Variants in USP7 observed in about 807,000 individuals in gnomAD.
The protein encoded by USP7 is ubiquitin C-terminal hydrolase 7.
USP7 carries 9 observed loss-of-function variants against 162.9 expected under a neutral mutation model. The ratio of observed to expected loss-of-function variants is 0.06; its 90% CI spans 0.03 to 0.10. The LOEUF is 0.10. Among genes scored for constraint, USP7 ranks in the 10% least tolerant of loss-of-function variants. The pLI is 1.00. For synonymous variants in USP7, 562 were observed against 475.9 expected (o/e 1.18, Z -2.35); for missense variants, 715 against 1,373.7 (o/e 0.52, Z 7.58).
chr16:8,900,822 T>TA (rs372411168), intron 20 of USP7, 168 bp downstream of exon 20: 12,162 of 593,430 alleles, frequency 0.02, 49 homozygotes, highest in African/African-American at 0.047. Context: ...CTACAACAGG[T>TA]AAAAAAAAAA....
intron 2 of USP7, among the ~76,000 whole-genome samples, chr16:8,928,040 A>C (rs935248723): frequency 2.0e-5 from 3 of 152,236 alleles, no homozygotes; most frequent in African/African-American, 7.2e-5. Flanking sequence ...ATAGTGAATA[A>C]GGAACTAAAA....
intron 2 of USP7, among the ~76,000 whole-genome samples, chr16:8,926,867 T>C (rs992088167): frequency 2.4e-4 from 37 of 152,334 alleles, no homozygotes; most frequent in African/African-American, 8.4e-4. Context: ...GATTCCTTGA[T>C]AACTCTCACT....
chr16:8,904,767 C>T (rs1312689247), intron 14 of USP7, among the ~76,000 whole-genome samples: 2 of 150,802 alleles, frequency 1.3e-5, no homozygotes, highest in Non-Finnish European at 3.0e-5. Context: ...ATGGTGAAAC[C>T]CCATCTCTAC....
chr16:8,913,289 G>C (rs1209638884), intron 10 of USP7, among the ~76,000 whole-genome samples: 1 of 152,162 alleles, frequency 6.6e-6, no homozygotes, highest in Admixed American at 6.5e-5. Context: ...CCAGGAGGTG[G>C]AGGTTGCAGT....
chr16:8,929,260 C>G (rs914758690), intron 2 of USP7: 6 of 338,848 alleles, frequency 1.8e-5, no homozygotes, highest in Non-Finnish European at 2.9e-5. Flanking sequence ...AGTAAAACCT[C>G]CAAAAGCCCA....
Position 8,919,148 on chromosome 16 carries a change from T to C in USP7, c.612-9A>G. ...GCTTCTTTGAATCCCACCTGAAAGA[T>C]CAGTTCAAGGTTGAGGGGATCTTGC... On this transcript the variant is annotated splice_polypyrimidine_tract_variant and intron_variant, in intron 5 of 30. Transcript: ENST00000344836. The C allele has an allele frequency of 6.2e-7, 1 of 1,613,886 alleles. No individual in the cohort carries two copies.
intron 26 of USP7, among the ~76,000 whole-genome samples, 182 bp from the exon 27 acceptor site, chr16:8,895,923 G>A (rs1442940437): frequency 3.4e-5 from 5 of 148,610 alleles, no homozygotes; most frequent in East Asian, 4.0e-4. Context: ...TGCAACCTCC[G>A]CCTCCCGGGT....
intron 5 of USP7, 26 bp from the exon 6 acceptor site, chr16:8,919,165 G>C: frequency 1.2e-6 from 2 of 1,609,046 alleles, no homozygotes; most frequent in African/African-American, 1.3e-5. Context: ...AAGGTTGAGG[G>C]GATCTTGCAG....
chr16:8,948,105 T>C (rs936633885), intron 1 of USP7, among the ~76,000 whole-genome samples: 13 of 152,188 alleles, frequency 8.5e-5, no homozygotes, highest in African/African-American at 2.4e-4. Context: ...CAGATGCTAA[T>C]AGAGCTCCCA....
At chr16:8,951,952 T>C (rs970761613) in intron 1 of USP7, among the ~76,000 whole-genome samples, 6 of 152,224 alleles carry the variant, frequency 3.9e-5, no homozygotes, top group African/African-American at 1.2e-4. Flanking sequence ...ACTTTCTATA[T>C]TCAAAGCATG....
In USP7 at chr16:8,961,425, G is replaced by C. The variant is rs566428910; in HGVS notation, c.79+1782C>G. Among the ~76,000 whole-genome samples, 5 of 148,110 alleles carry C rather than the reference G, an allele frequency of 3.4e-5. No homozygotes were observed. The South Asian group carries it at 1.1e-3, about 32-fold the overall frequency. On this transcript the variant is annotated intron_variant, in intron 1 of 30. Transcript: ENST00000344836. ...GAAAATCGCTTGAACCCGGGAGACG[G>C]AGGTTGTAGTGACCCGAGATCGCGC...
At chr16:8,898,314 G>T in intron 25 of USP7, 46 bp downstream of exon 25, 2 of 1,447,312 alleles carry the variant, frequency 1.4e-6, no homozygotes, top group Non-Finnish European at 1.9e-6. Flanking sequence ...GAAACAATAA[G>T]CAAGTTCCAA....
chr16:8,896,616 T>C (rs2141162215), intron 26 of USP7, among the ~76,000 whole-genome samples: 4 of 152,332 alleles, frequency 2.6e-5, no homozygotes. Flanking sequence ...GAGTCACCCC[T>C]TCCAGTTTCA....
intron 10 of USP7, among the ~76,000 whole-genome samples, chr16:8,911,211 G>A (rs1348209411): frequency 6.6e-6 from 1 of 152,186 alleles, no homozygotes; most frequent in Non-Finnish European, 1.5e-5. Flanking sequence ...GTGGCAGAAT[G>A]ACAAGGAAAA....
At chr16:8,937,473 C>T (rs1567238438) in intron 1 of USP7, among the ~76,000 whole-genome samples, 1 of 152,138 alleles carries the variant, frequency 6.6e-6, no homozygotes, top group Non-Finnish European at 1.5e-5. Flanking sequence ...ACCCAGGAGG[C>T]GGAGGTTGCA....
chr16:8,930,807 A>G (rs1277057943), intron 1 of USP7, among the ~76,000 whole-genome samples: 1 of 152,180 alleles, frequency 6.6e-6, no homozygotes, highest in South Asian at 2.1e-4. Context: ...CGTCTCTACT[A>G]GAAATGCAAA....
At chr16:8,900,128 G>A (rs1010336986) in intron 21 of USP7, 23 of 365,118 alleles carry the variant, frequency 6.3e-5, no homozygotes, top group African/African-American at 3.4e-4. Flanking sequence ...CTGGGCTTTC[G>A]TGTGCCATCG....
In USP7 at chr16:8,904,574, C is replaced by T; in HGVS notation, c.1574-9G>A. 1 of 1,613,528 alleles carries T rather than the reference C, an allele frequency of 6.2e-7. No individual in the cohort carries two copies. The highest frequency in any genetic ancestry group is 8.5e-7 in the Non-Finnish European group (1 of 1,179,864). On this transcript the variant is annotated splice_polypyrimidine_tract_variant and intron_variant, in intron 14 of 30. Coordinates refer to ENST00000344836, the MANE Select transcript of USP7 (RefSeq NM_003470.3). ...CGCCTGTAAAACTTCACCTGCAGGA[C>T]AAAGGCATCCTCTTTGACCCCTGCA...
intron 2 of USP7, among the ~76,000 whole-genome samples, chr16:8,928,843 C>T (rs533116495): frequency 6.6e-6 from 1 of 152,126 alleles, no homozygotes; most frequent in Non-Finnish European, 1.5e-5. Context: ...GGACTTTACC[C>T]ATATTGTCCC....
Sources: allele counts gnomAD v4.1 joint callset (sites outside exome capture counted in the v4.1 genomes callset), GRCh38; gene constraint gnomAD v4.1.1; transcripts MANE v1.5; gene names NCBI Gene and HGNC (gene_info 2026-07-23, HGNC 2026-07-21).